Variants in ARHGAP26 observed in about 807,000 individuals in gnomAD.
The protein encoded by ARHGAP26 is rho GTPase-activating protein 26.
In ARHGAP26, 38 loss-of-function variants were observed where a neutral mutation model predicts 104.8. The observed-to-expected ratio is 0.36, with a 90% CI of 0.28 to 0.48. The LOEUF is 0.48. ARHGAP26 is among the 20% of genes least tolerant of loss of function. ARHGAP26 has a pLI of 0.99. For missense variants in ARHGAP26, 704 were observed against 947.9 expected, an observed-to-expected ratio of 0.74 and a Z score of 3.38; for synonymous variants, 341 against 340.0, an observed-to-expected ratio of 1.00 and a Z score of -0.03.
At chr5:143,218,624 G>A (rs762044191) in intron 22 of ARHGAP26, among the ~76,000 whole-genome samples, 7 of 152,170 alleles carry the variant, frequency 4.6e-5, no homozygotes, top group Non-Finnish European at 8.8e-5. Context: ...AGAGAAAGTG[G>A]TTGGCAGGAA....
At chr5:142,866,466 T>A (rs763384566) in intron 1 of ARHGAP26, among the ~76,000 whole-genome samples, 10 of 152,222 alleles carry the variant, frequency 6.6e-5, no homozygotes, top group Non-Finnish European at 1.5e-4. Flanking sequence ...GGATTTAAAG[T>A]ACTTGGTAGG....
At chr5:142,856,077 G>C (rs915339164) in intron 1 of ARHGAP26, among the ~76,000 whole-genome samples, 2 of 152,234 alleles carry the variant, frequency 1.3e-5, no homozygotes, top group Admixed American at 6.5e-5. Flanking sequence ...TTCGCCATCT[G>C]TTTGCTCCTG....
At chr5:142,788,470 T>C (rs1050960946) in intron 1 of ARHGAP26, among the ~76,000 whole-genome samples, 4 of 152,166 alleles carry the variant, frequency 2.6e-5, no homozygotes, top group African/African-American at 9.7e-5. Context: ...TTAAATTTAT[T>C]TGAACCATAC....
chr5:142,977,069 G>C lies in ARHGAP26; in HGVS notation c.1108-37011G>C, dbSNP rs1387051746. Among the ~76,000 whole-genome samples, 4 of 152,178 alleles carry C rather than the reference G, an allele frequency of 2.6e-5. No individual in the cohort carries two copies. The East Asian group carries it at 7.7e-4, about 29-fold the overall frequency. ...ACTCCTGAGTCATATGCTAGCCCTG[G>C]GGTTAGCTCCGCCCAACCACACAGA... On this transcript the variant is annotated intron_variant, in intron 11 of 22. Coordinates refer to ENST00000645722, the MANE Select transcript of ARHGAP26 (RefSeq NM_001135608.3).
rs1463348968 is a variant in ARHGAP26, at chr5:143,228,942, T to G, written c.*6496T>G. ...CTTTCTTACATGTGGTTGGTTTATG[T>G]GACAATCCCTATGAAATGAGTGGAC... On this transcript the variant is annotated 3_prime_UTR_variant, in exon 23 of 23. Transcript: ENST00000645722. 1 of 187,206 alleles carries G rather than the reference T, an allele frequency of 5.3e-6. No homozygotes were observed. The highest frequency in any genetic ancestry group is 1.1e-5 in the Non-Finnish European group (1 of 88,634). The allele number at this position is 187,206 out of a possible 1,614,324, so 11.6% of individuals were successfully genotyped here. A position where few individuals can be genotyped will look rare whatever the true frequency, so the allele number is the denominator to read the frequency against.
At chr5:143,099,420 G>A (rs1792891573) in intron 17 of ARHGAP26, among the ~76,000 whole-genome samples, 1 of 152,172 alleles carries the variant, frequency 6.6e-6, no homozygotes, top group African/African-American at 2.4e-5. Context: ...GGTGGAAGAA[G>A]TTGGAACTGA....
chr5:142,778,742 T>C (rs114986288), intron 1 of ARHGAP26, among the ~76,000 whole-genome samples: 46 of 152,342 alleles, frequency 3.0e-4, no homozygotes, highest in African/African-American at 1.1e-3. Flanking sequence ...TCAAGTGGAA[T>C]GGTTGCTGGC....
At chr5:142,890,151 A>AAAAAAAATATATATAT (rs1252590997) in intron 5 of ARHGAP26, among the ~76,000 whole-genome samples, 2 of 32,432 alleles carry the variant, frequency 6.2e-5, no homozygotes, top group African/African-American at 2.4e-4. Context: ...AAAAAAAAAA[A>AAAAAAAATATATATAT]ATATATATAT....
intron 5 of ARHGAP26, among the ~76,000 whole-genome samples, chr5:142,892,379 C>G (rs183375203): frequency 3.9e-5 from 6 of 151,932 alleles, no homozygotes; most frequent in Non-Finnish European, 2.9e-5. Context: ...AATCCCAGCT[C>G]TGCCGTATAC....
intron 1 of ARHGAP26, among the ~76,000 whole-genome samples, chr5:142,831,337 C>T (rs1008192522): frequency 6.6e-6 from 1 of 152,068 alleles, no homozygotes; most frequent in Non-Finnish European, 1.5e-5. Context: ...TTTTCTCCCA[C>T]CCCCTGGCCT....
chr5:142,905,243 A>G (rs1278796334), intron 8 of ARHGAP26, among the ~76,000 whole-genome samples: 2 of 152,204 alleles, frequency 1.3e-5, no homozygotes, highest in Non-Finnish European at 2.9e-5. Context: ...ACTTACATAT[A>G]TAAAATCAAT....
intron 1 of ARHGAP26, among the ~76,000 whole-genome samples, chr5:142,806,896 A>G (rs1211697957): frequency 6.6e-6 from 1 of 152,194 alleles, no homozygotes; most frequent in African/African-American, 2.4e-5. Flanking sequence ...TTCTATGGAT[A>G]TTCTGCTGAG....
chr5:143,009,152 G>C (rs1031961164), intron 11 of ARHGAP26, among the ~76,000 whole-genome samples: 2 of 151,988 alleles, frequency 1.3e-5, no homozygotes, highest in Admixed American at 6.6e-5. Flanking sequence ...CTAGATGCCA[G>C]CTGGTTGCAT....
intron 1 of ARHGAP26, among the ~76,000 whole-genome samples, chr5:142,785,933 T>C (rs2151879117): frequency 6.6e-6 from 1 of 151,840 alleles, no homozygotes; most frequent in South Asian, 2.1e-4. Flanking sequence ...CTACCATCTC[T>C]CTCTTGCCTT....
At chr5:143,218,129 T>C (rs1466229598) in intron 22 of ARHGAP26, among the ~76,000 whole-genome samples, 15 of 152,204 alleles carry the variant, frequency 9.9e-5, no homozygotes, top group Admixed American at 9.8e-4. Context: ...TGTGTCTGCG[T>C]GTTATCTGTG....
At chr5:143,185,243 AT>A (rs1390894142) in intron 20 of ARHGAP26, among the ~76,000 whole-genome samples, 1 of 152,240 alleles carries the variant, frequency 6.6e-6, no homozygotes, top group Non-Finnish European at 1.5e-5. Flanking sequence ...GTATGGATAC[AT>A]ATATACACAA....
chr5:142,997,473 A>G (rs895398075), intron 11 of ARHGAP26, among the ~76,000 whole-genome samples: 1 of 151,910 alleles, frequency 6.6e-6, no homozygotes, highest in Admixed American at 6.5e-5. Context: ...CAGTGGCTCC[A>G]TCATAGCTCA....
rs536846693 is a variant in ARHGAP26, at chr5:143,175,090, C to T, written c.1988+27709C>T. Among the ~76,000 whole-genome samples, 11 of 152,362 alleles carry T rather than the reference C, an allele frequency of 7.2e-5. No individual in the cohort carries two copies. The South Asian group carries it at 1.2e-3, about 17-fold the overall frequency. ...TCTTTAAAAGACTTTCTTTTCCCCA[C>T]ATAAAAGGAGCCCAAATGTTCTCTC... On this transcript the variant is annotated intron_variant, in intron 20 of 22. Coordinates refer to ENST00000645722, the MANE Select transcript of ARHGAP26 (RefSeq NM_001135608.3).
At chr5:142,987,047 T>C (rs1210773187) in intron 11 of ARHGAP26, among the ~76,000 whole-genome samples, 1 of 152,140 alleles carries the variant, frequency 6.6e-6, no homozygotes, top group Non-Finnish European at 1.5e-5. Flanking sequence ...AAGAAAGTCA[T>C]TGGTGGGGAT....
Sources: allele counts gnomAD v4.1 joint callset (sites outside exome capture counted in the v4.1 genomes callset), GRCh38; gene constraint gnomAD v4.1.1; transcripts MANE v1.5; gene names NCBI Gene and HGNC (gene_info 2026-07-23, HGNC 2026-07-21).